PPP1R9A: variants seen among roughly 807,000 people sequenced by gnomAD.
PPP1R9A encodes the protein protein phosphatase 1 regulatory subunit 9A, also known as neurabin-1.
PPP1R9A carries 59 observed loss-of-function variants against 141.9 expected under a neutral mutation model. That is an observed-to-expected ratio of 0.42 (90% CI 0.34 to 0.52). PPP1R9A has a LOEUF of 0.52. PPP1R9A is among the 20% of genes least tolerant of loss of function. The pLI is 0.10. For synonymous variants in PPP1R9A, 500 were observed against 569.7 expected (o/e 0.88, Z 1.74); for missense variants, 1,444 against 1,611.9 (o/e 0.90, Z 1.78).
At chr7:95,037,412 G>T (rs1808580027) in intron 2 of PPP1R9A, among the ~76,000 whole-genome samples, 1 of 152,062 alleles carries the variant, frequency 6.6e-6, no homozygotes, top group African/African-American at 2.4e-5. Flanking sequence ...ATTTTAAAAT[G>T]AAAATGTCAC....
chr7:95,264,748 A>C (rs1211967744), intron 12 of PPP1R9A, among the ~76,000 whole-genome samples: 1 of 152,100 alleles, frequency 6.6e-6, no homozygotes, highest in African/African-American at 2.4e-5. Context: ...TTCTAGCTGC[A>C]TTGCGTCAGA....
At chr7:95,287,766 A>G (rs1016235007) in intron 18 of PPP1R9A, among the ~76,000 whole-genome samples, 3 of 151,928 alleles carry the variant, frequency 2.0e-5, no homozygotes, top group African/African-American at 7.3e-5. Context: ...GTTCACTGCA[A>G]CCTCCACCTC....
At chr7:94,985,444 T>C (rs1800698397) in intron 2 of PPP1R9A, among the ~76,000 whole-genome samples, 1 of 152,108 alleles carries the variant, frequency 6.6e-6, no homozygotes, top group Non-Finnish European at 1.5e-5. Context: ...CCCATTATTA[T>C]TGTGTGGGAG....
At chr7:95,247,741 A>G (rs1189598448) in intron 9 of PPP1R9A, among the ~76,000 whole-genome samples, 1 of 152,126 alleles carries the variant, frequency 6.6e-6, no homozygotes, top group Non-Finnish European at 1.5e-5. Flanking sequence ...TTAGATATAT[A>G]TATTTATGTA....
At chr7:95,041,306 G>A (rs1809201529) in intron 2 of PPP1R9A, among the ~76,000 whole-genome samples, 1 of 152,154 alleles carries the variant, frequency 6.6e-6, no homozygotes, top group Admixed American at 6.6e-5. Flanking sequence ...TGCAGAGACT[G>A]TCATGCAGAA....
intron 8 of PPP1R9A, among the ~76,000 whole-genome samples, chr7:95,246,231 G>A (rs1222142220): frequency 1.3e-5 from 2 of 152,074 alleles, no homozygotes; most frequent in African/African-American, 4.8e-5. Context: ...CCAAGAGAGG[G>A]CTGAGGTTTA....
chr7:95,016,222 C>T (rs1390942401), intron 2 of PPP1R9A, among the ~76,000 whole-genome samples: 1 of 151,296 alleles, frequency 6.6e-6, no homozygotes, highest in Non-Finnish European at 1.5e-5. Flanking sequence ...GGGCTAGAGA[C>T]AGATAGATGA....
At chr7:95,124,529 A>G (rs1032358690) in intron 4 of PPP1R9A, among the ~76,000 whole-genome samples, 1 of 152,156 alleles carries the variant, frequency 6.6e-6, no homozygotes, top group Non-Finnish European at 1.5e-5. Flanking sequence ...CCACTTGTGT[A>G]TAGTTTCTGA....
chr7:95,006,892 C>T (rs1028250768), intron 2 of PPP1R9A, among the ~76,000 whole-genome samples: 5 of 149,326 alleles, frequency 3.3e-5, no homozygotes, highest in South Asian at 2.1e-4. Flanking sequence ...GACGGAGTTT[C>T]GCGCTTGTTG....
At chr7:94,976,625 G>A (rs900798459) in intron 2 of PPP1R9A, among the ~76,000 whole-genome samples, 5 of 152,074 alleles carry the variant, frequency 3.3e-5, no homozygotes, top group African/African-American at 1.2e-4. Flanking sequence ...TGCATATTTT[G>A]TTTTGACTGG....
intron 2 of PPP1R9A, among the ~76,000 whole-genome samples, chr7:95,029,516 A>T (rs1436526969): frequency 6.6e-6 from 1 of 152,220 alleles, no homozygotes; most frequent in Non-Finnish European, 1.5e-5. Flanking sequence ...ATATTGCTCA[A>T]CTGTTTAACC....
chr7:94,980,461 A>G (rs1799965424), intron 2 of PPP1R9A, among the ~76,000 whole-genome samples: 1 of 152,106 alleles, frequency 6.6e-6, no homozygotes, highest in South Asian at 2.1e-4. Flanking sequence ...GCTGTTTATA[A>G]AATATTCAGT....
chr7:95,023,131 TGTTA>T (rs1334927351), intron 2 of PPP1R9A, among the ~76,000 whole-genome samples: 3 of 152,204 alleles, frequency 2.0e-5, no homozygotes, highest in Non-Finnish European at 4.4e-5. Flanking sequence ...GTTGGTAGGC[TGTTA>T]ATTACTGCCT....
rs553025602 is a variant in PPP1R9A at position 94,956,595 on chromosome 7, A to T, written c.1395+45087A>T. Among the ~76,000 whole-genome samples, 112 of 152,164 alleles carry T rather than the reference A, an allele frequency of 7.4e-4. 2 individuals are homozygous for T. In the South Asian group the frequency reaches 8.7e-3, roughly 12 times the overall value. On this transcript the variant is annotated intron_variant, in intron 2 of 19. Coordinates refer to ENST00000433360, the MANE Select transcript of PPP1R9A (RefSeq NM_001166160.2). ...TCATAGATACTTGGAAAGCTGAGGT[A>T]GGAAGATAGCTTGAGCTCAGGAGTT...
At chr7:94,914,656 A>G (rs1401285024) in intron 2 of PPP1R9A, among the ~76,000 whole-genome samples, 1 of 152,196 alleles carries the variant, frequency 6.6e-6, no homozygotes, top group Non-Finnish European at 1.5e-5. Flanking sequence ...TTATGCCTTC[A>G]TTTTCAGGAA....
At chr7:94,986,471 G>T (rs1168221972) in intron 2 of PPP1R9A, among the ~76,000 whole-genome samples, 1 of 152,124 alleles carries the variant, frequency 6.6e-6, no homozygotes, top group Non-Finnish European at 1.5e-5. Context: ...TAGAATTGTG[G>T]TTATTAGAGG....
chr7:95,198,652 T>C (rs1836644019), intron 6 of PPP1R9A, among the ~76,000 whole-genome samples, 168 bp downstream of exon 6: 1 of 152,192 alleles, frequency 6.6e-6, no homozygotes, highest in South Asian at 2.1e-4. Context: ...TGATATACGC[T>C]TAAGAATCAA....
At chr7:95,198,269 A>C (rs1428290031) in intron 5 of PPP1R9A, 80 bp from the exon 6 acceptor site, 1 of 1,349,232 alleles carries the variant, frequency 7.4e-7, no homozygotes, top group Non-Finnish European at 9.9e-7. Flanking sequence ...GACCCTGCTG[A>C]GATCAAACCT....
chr7:95,180,229 C>T (rs527770046), intron 5 of PPP1R9A, among the ~76,000 whole-genome samples: 109 of 152,230 alleles, frequency 7.2e-4, no homozygotes, highest in Admixed American at 3.1e-3. Flanking sequence ...CAAATACTTA[C>T]AGCCTACTGA....
Sources: gnomAD v4.1 joint callset for allele counts (sites outside exome capture counted in the v4.1 genomes callset) on GRCh38, gnomAD v4.1.1 for gene constraint, MANE v1.5 for transcripts, NCBI Gene and HGNC (gene_info 2026-07-23, HGNC 2026-07-21) for gene names.